Variants in PPARG observed in about 807,000 individuals in gnomAD.
PPARG encodes the protein peroxisome proliferator-activated receptor gamma.
Under a neutral mutation model 39.2 loss-of-function variants are expected in PPARG, and 17 were observed. The observed-to-expected ratio is 0.43, with a 90% CI of 0.30 to 0.65. PPARG has a LOEUF of 0.65. Among genes scored for constraint, PPARG ranks in the 30% least tolerant of loss-of-function variants. PPARG has a pLI of 0.13. For missense variants in PPARG, 406 were observed against 585.9 expected (o/e 0.69, Z 3.17); for synonymous variants, 223 against 215.7 (o/e 1.03, Z -0.30).
intron 2 of PPARG, among the ~76,000 whole-genome samples, 164 bp downstream of exon 2, chr3:12,312,617 T>A (rs911951640): frequency 6.6e-6 from 1 of 152,192 alleles, no homozygotes; most frequent in Non-Finnish European, 1.5e-5. Context: ...GACTATGCAG[T>A]GTAACATATT....
At chr3:12,426,763 C>T (rs527764754) in intron 7 of PPARG, among the ~76,000 whole-genome samples, 1 of 152,306 alleles carries the variant, frequency 6.6e-6, no homozygotes, top group East Asian at 1.9e-4. Flanking sequence ...CCGTATGTCC[C>T]TCAGTCCTCT....
intron 5 of PPARG, among the ~76,000 whole-genome samples, chr3:12,397,412 T>C (rs1002304192): frequency 6.8e-6 from 1 of 146,196 alleles, no homozygotes; most frequent in Non-Finnish European, 1.5e-5. Context: ...ATTATTATTA[T>C]TATTATTATT....
chr3:12,387,416 A>G (rs2049917143), intron 4 of PPARG, among the ~76,000 whole-genome samples: 1 of 152,148 alleles, frequency 6.6e-6, no homozygotes, highest in African/African-American at 2.4e-5. Flanking sequence ...CATCATTCTA[A>G]GTGGCGTGAG....
chr3:12,298,257 C>T (rs2046840050), intron 1 of PPARG, among the ~76,000 whole-genome samples: 1 of 131,610 alleles, frequency 7.6e-6, no homozygotes, highest in African/African-American at 2.9e-5. Flanking sequence ...CGAGATCCCG[C>T]CACTGCACTC....
At chr3:12,414,711 A>G (rs1373091703) in intron 6 of PPARG, among the ~76,000 whole-genome samples, 1 of 152,062 alleles carries the variant, frequency 6.6e-6, no homozygotes, top group Non-Finnish European at 1.5e-5. Context: ...AGAAAAAAAG[A>G]AAAAGGAAAG....
intron 7 of PPARG, among the ~76,000 whole-genome samples, chr3:12,420,235 G>A (rs2051215357): frequency 6.6e-6 from 1 of 152,192 alleles, no homozygotes; most frequent in African/African-American, 2.4e-5. Context: ...TGAGAATTCT[G>A]GGCTTTATGA....
chr3:12,329,780 A>G (rs935336774), intron 2 of PPARG, among the ~76,000 whole-genome samples: 4 of 152,212 alleles, frequency 2.6e-5, no homozygotes, highest in African/African-American at 7.2e-5. Flanking sequence ...TATACCCACT[A>G]AACAACAACT....
chr3:12,348,105 A>G (rs1417030193), intron 2 of PPARG, among the ~76,000 whole-genome samples: 2 of 152,258 alleles, frequency 1.3e-5, no homozygotes, highest in Admixed American at 1.3e-4. Context: ...TAGCAAAAAA[A>G]GAGTGAAGTT....
intron 4 of PPARG, 38 bp downstream of exon 4, chr3:12,381,529 C>A: frequency 1.9e-6 from 3 of 1,597,242 alleles, no homozygotes; most frequent in Non-Finnish European, 2.6e-6. Flanking sequence ...ATTGTTGAAA[C>A]TTTATTATTT....
At position 12,311,726 on chromosome 3, in the gene PPARG, C is replaced by T. The variant is rs558070179; in HGVS notation, c.-82-654C>T. The stretch of plus-strand genomic sequence containing the variant: ...TGGAAAATACAGCTATTCTAGGATC[C>T]TTGAGCCTTTCATAAGAGATAAGGT... On this transcript the variant is annotated intron_variant, in intron 1 of 7. Transcript: ENST00000651735. Among the ~76,000 whole-genome samples the T allele has an allele frequency of 2.6e-5, 4 of 152,180 alleles. No homozygotes were observed. The South Asian group carries it at 8.3e-4, about 32-fold the overall frequency.
intron 7 of PPARG, among the ~76,000 whole-genome samples, chr3:12,417,600 C>T: frequency 6.6e-6 from 1 of 152,128 alleles, no homozygotes; most frequent in Non-Finnish European, 1.5e-5. Context: ...GCCCCACCAT[C>T]AGTAAGATAC....
At chr3:12,364,648 G>T (rs2048957124) in intron 2 of PPARG, among the ~76,000 whole-genome samples, 2 of 152,170 alleles carry the variant, frequency 1.3e-5, no homozygotes, top group Admixed American at 1.3e-4. Context: ...CAAAGTGGCT[G>T]TACCATTCAT....
chr3:12,292,492 G>T (rs1041372057), intron 1 of PPARG, among the ~76,000 whole-genome samples: 1 of 152,096 alleles, frequency 6.6e-6, no homozygotes. Flanking sequence ...ATTAAAAATG[G>T]GTCTCTTTCA....
intron 2 of PPARG, among the ~76,000 whole-genome samples, chr3:12,373,062 T>G (rs1400472678): frequency 6.6e-6 from 1 of 152,220 alleles, no homozygotes; most frequent in African/African-American, 2.4e-5. Context: ...TTTTGTTCAT[T>G]TGTTCTTTCA....
At chr3:12,349,784 A>G (rs1034574827) in intron 2 of PPARG, among the ~76,000 whole-genome samples, 1 of 152,228 alleles carries the variant, frequency 6.6e-6, no homozygotes, top group Admixed American at 6.5e-5. Flanking sequence ...AGGTGTTATC[A>G]GATTCTGATG....
intron 2 of PPARG, among the ~76,000 whole-genome samples, chr3:12,368,877 C>G (rs1448633563): frequency 6.6e-6 from 1 of 152,146 alleles, no homozygotes; most frequent in East Asian, 1.9e-4. Context: ...GATTTTCTTT[C>G]ATTCTACTTG....
At chr3:12,403,226 G>A (rs1252730988) in intron 5 of PPARG, among the ~76,000 whole-genome samples, 2 of 150,564 alleles carry the variant, frequency 1.3e-5, no homozygotes, top group Admixed American at 1.3e-4. Context: ...CCAGGAGGTC[G>A]AGGCTGCAGT....
intron 7 of PPARG, among the ~76,000 whole-genome samples, chr3:12,431,568 C>CTATGTCT (rs1232150162): frequency 1.3e-5 from 2 of 151,956 alleles, no homozygotes; most frequent in African/African-American, 4.8e-5. Flanking sequence ...AAACCAAAAG[C>CTATGTCT]TATGTCTTTT....
rs147996578 is a variant in PPARG, at chr3:12,416,710, G to A, written c.736G>A (p.Val246Ile). 65 of 1,613,436 alleles carry A rather than the reference G, an allele frequency of 4.0e-5. No homozygotes were observed. The African/African-American group carries it at 6.9e-4, about 17-fold the overall frequency. ...TGKTTDKSPF[V>I]IYDMNSLMMG... is the part of the protein sequence containing the mutation. ...TTCCCTGTTTTATTTGCAGCCATTC[G>A]TTATCTATGACATGAATTCCTTAAT... The change falls in exon 7 of 8, where the codon GTT becomes ATT. Residue 246 changes from valine (V) to isoleucine (I), a missense_variant. Val to Ile is a conservative substitution (Grantham distance 29, BLOSUM62 3). Coordinates refer to ENST00000651735, the MANE Select transcript of PPARG (RefSeq NM_138711.6).
Sources: gnomAD v4.1 joint callset for allele counts (sites outside exome capture counted in the v4.1 genomes callset) on GRCh38, gnomAD v4.1.1 for gene constraint, MANE v1.5 for transcripts, NCBI Gene and HGNC (gene_info 2026-07-23, HGNC 2026-07-21) for gene names.